TENM1: variants seen among roughly 807,000 people sequenced by gnomAD.
TENM1 encodes the protein teneurin transmembrane protein 1.
Under a neutral mutation model 174.8 loss-of-function variants are expected in TENM1, and 35 were observed. The ratio of observed to expected loss-of-function variants is 0.20; its 90% CI spans 0.15 to 0.27. TENM1 has a LOEUF of 0.27. Ranked by LOEUF, TENM1 falls within the 10% of genes least tolerant of loss-of-function variation. The pLI is 1.00. For synonymous variants in TENM1, 781 were observed against 798.7 expected (o/e 0.98, Z 0.37); for missense variants, 1,633 against 2,130.1 (o/e 0.77, Z 4.59).
At chrX:124,645,723 A>G (rs1473845729) in intron 9 of TENM1, among the ~76,000 whole-genome samples, 1 of 112,377 alleles carries the variant, frequency 8.9e-6, no homozygotes, top group Non-Finnish European at 1.9e-5. Context: ...ATGTTATAAA[A>G]TATTATCTTT....
intron 1 of TENM1, among the ~76,000 whole-genome samples, chrX:124,948,543 TTTGTTG>T (rs201956904): frequency 8.9e-6 from 1 of 112,023 alleles, no homozygotes; most frequent in Non-Finnish European, 1.9e-5. Context: ...ATTGTGTATT[TTTGTTG>T]TTGTTGTTGT....
At chrX:125,107,203 GT>G in the TENM1 span, among the ~76,000 whole-genome samples, 1 of 112,086 alleles carries the variant, frequency 8.9e-6, no homozygotes, top group Non-Finnish European at 1.9e-5. Flanking sequence ...TCAGTGCCCT[GT>G]TTTATTTATT....
At chrX:124,661,995 G>C (rs775195895) in intron 6 of TENM1, among the ~76,000 whole-genome samples, 2 of 111,070 alleles carry the variant, frequency 1.8e-5, no homozygotes, top group Non-Finnish European at 3.8e-5. Flanking sequence ...ATACCAAAAT[G>C]CCTCTTTCAT....
the TENM1 span, among the ~76,000 whole-genome samples, chrX:125,062,600 T>C: frequency 8.9e-6 from 1 of 112,247 alleles, no homozygotes; most frequent in Non-Finnish European, 1.9e-5. Flanking sequence ...AACCCCTACT[T>C]TGCATCTGCC....
chrX:125,113,503 T>C, the TENM1 span, among the ~76,000 whole-genome samples: 1 of 111,413 alleles, frequency 9.0e-6, no homozygotes, highest in Non-Finnish European at 1.9e-5. Context: ...ATGAGTGTGT[T>C]GTATTCAGAA....
chrX:124,565,352 G>A (rs1384144934), intron 12 of TENM1, 23 bp downstream of exon 15: 1 of 1,128,643 alleles, frequency 8.9e-7, no homozygotes, highest in Non-Finnish European at 1.2e-6. Flanking sequence ...AACTTACTTT[G>A]GTTAAAGTAT....
intron 22 of TENM1, among the ~76,000 whole-genome samples, chrX:124,462,431 T>TGTGGGGG (rs2061186903): frequency 1.1e-4 from 1 of 9,061 alleles, no homozygotes; most frequent in African/African-American, 2.4e-4. Context: ...TGTGTGTGTG[T>TGTGGGGG]GGGGGGGGTG....
chrX:124,679,236 T>C (rs772239960), intron 5 of TENM1, among the ~76,000 whole-genome samples: 1 of 112,515 alleles, frequency 8.9e-6, no homozygotes, highest in African/African-American at 3.2e-5. Context: ...TAAGATACTT[T>C]GTTTTCCCTT....
intron 2 of TENM1, 89 bp downstream of exon 5, chrX:124,895,891 GA>G: frequency 9.5e-7 from 1 of 1,053,136 alleles, no homozygotes; most frequent in Non-Finnish European, 1.3e-6. Flanking sequence ...TTAAATGAAA[GA>G]AGGGCAGATA....
intron 3 of TENM1, among the ~76,000 whole-genome samples, chrX:124,797,068 G>A (rs751558315): frequency 1.8e-5 from 2 of 111,535 alleles, no homozygotes; most frequent in South Asian, 3.8e-4. Flanking sequence ...TCACTTCCAC[G>A]CTTCTTCCAA....
At chrX:124,528,994 A>G (rs2048043672) in intron 16 of TENM1, among the ~76,000 whole-genome samples, 1 of 111,662 alleles carries the variant, frequency 9.0e-6, no homozygotes, top group East Asian at 2.8e-4. Flanking sequence ...GTTTGATTGT[A>G]GGTTCTTGAA....
rs376232795 is a variant in TENM1, at chrX:124,820,716, T to C, written c.535+73580A>G. On this transcript the variant is annotated intron_variant, in intron 3 of 31. Transcript: ENST00000422452. Reference sequence around the variant, plus strand: ...CTGTTAGGGGCCATAATCCACTTAATTGAACTCCCTCATAGTGCAGGTGGG... The same window carrying C: ...CTGTTAGGGGCCATAATCCACTTAACTGAACTCCCTCATAGTGCAGGTGGG... Among the ~76,000 whole-genome samples, 6 of 112,336 alleles carry C rather than the reference T, an allele frequency of 5.3e-5. No homozygotes were observed. In the East Asian group the frequency reaches 1.1e-3, roughly 21 times the overall value.
intron 11 of TENM1, among the ~76,000 whole-genome samples, chrX:124,566,937 AAT>A (rs960168018): frequency 2.7e-5 from 3 of 112,171 alleles, no homozygotes; most frequent in African/African-American, 9.7e-5. Flanking sequence ...TAGAAGTAAT[AAT>A]ACTTATACAT....
chrX:125,076,888 C>T, the TENM1 span, among the ~76,000 whole-genome samples: 3 of 111,022 alleles, frequency 2.7e-5, no homozygotes, highest in Admixed American at 9.6e-5. Flanking sequence ...CATACTTAAA[C>T]ATTTCAAAAT....
chrX:124,718,581 A>T (rs2053240317), intron 4 of TENM1, among the ~76,000 whole-genome samples: 1 of 112,367 alleles, frequency 8.9e-6, no homozygotes, highest in African/African-American at 3.2e-5. Context: ...CATTAAAAGT[A>T]AAGCAATGCA....
intron 1 of TENM1, among the ~76,000 whole-genome samples, chrX:124,959,354 G>A (rs1044844762): frequency 6.3e-5 from 7 of 111,405 alleles, no homozygotes; most frequent in African/African-American, 9.8e-5. Context: ...TTTAGTTCCC[G>A]GGTCTGTATA....
At chrX:125,077,012 T>C in the TENM1 span, among the ~76,000 whole-genome samples, 7 of 111,058 alleles carry the variant, frequency 6.3e-5, no homozygotes, top group Admixed American at 1.9e-4. Flanking sequence ...TCTGCTACTT[T>C]TTTTCTTTGG....
At chrX:124,584,873 A>C (rs2049449914) in intron 11 of TENM1, among the ~76,000 whole-genome samples, 2 of 110,362 alleles carry the variant, frequency 1.8e-5, no homozygotes, top group Admixed American at 1.9e-4. Flanking sequence ...AAAAAAAGGC[A>C]GGGGTTGCAA....
At chrX:124,563,678 C>T (rs1014697228) in intron 13 of TENM1, 71 bp downstream of exon 16, 4 of 879,804 alleles carry the variant, frequency 4.5e-6, no homozygotes, top group Non-Finnish European at 6.3e-6. Context: ...AAACGCTACC[C>T]TTTCTTTCTT....
Sources: allele counts gnomAD v4.1 joint callset (sites outside exome capture counted in the v4.1 genomes callset), GRCh38; gene constraint gnomAD v4.1.1; transcripts MANE v1.5; gene names NCBI Gene and HGNC (gene_info 2026-07-23, HGNC 2026-07-21).